Variants in GLCCI1 observed in about 807,000 individuals in gnomAD.
GLCCI1 encodes the protein glucocorticoid-induced transcript 1 protein.
A neutral mutation model predicts 52.2 loss-of-function variants in GLCCI1; 24 were observed. The observed-to-expected ratio is 0.46, with a 90% CI of 0.33 to 0.65. The LOEUF (loss-of-function observed/expected upper bound fraction) is 0.65, where lower values mean the gene tolerates loss of function less well. Ranked by LOEUF, GLCCI1 falls within the 30% of genes least tolerant of loss-of-function variation. The pLI is 0.02. For missense variants in GLCCI1, 704 were observed against 701.5 expected (o/e 1.00, Z -0.04); for synonymous variants, 310 against 276.5 (o/e 1.12, Z -1.20).
chr7:8,052,615 T>C (rs1307307386), intron 3 of GLCCI1, among the ~76,000 whole-genome samples: 2 of 152,200 alleles, frequency 1.3e-5, no homozygotes, highest in Admixed American at 1.3e-4. Flanking sequence ...GCAGTCTGCC[T>C]TGGGGCAGGA....
intron 1 of GLCCI1, among the ~76,000 whole-genome samples, chr7:7,988,063 G>A (rs1780772237): frequency 1.3e-5 from 2 of 152,292 alleles, no homozygotes; most frequent in South Asian, 4.1e-4. Context: ...GGGAGAGTAA[G>A]TAGTAGTCTT....
At position 8,071,102 on chromosome 7, in the gene GLCCI1, CAGA is replaced by C; in HGVS notation, c.1152_1154del (p.Glu384del). On this transcript the variant is annotated inframe_deletion, in exon 6 of 8. Coordinates refer to ENST00000223145, the MANE Select transcript of GLCCI1 (RefSeq NM_138426.4). Reference sequence around the variant, plus strand: ...TCCCAGGATGGTAGCCCTTGCTCAACAGAAGATTTGCTCTATGATCGTGATAAA... The same window carrying C: ...TCCCAGGATGGTAGCCCTTGCTCAACAGATTTGCTCTATGATCGTGATAAA... 1.2e-6 allele frequency: 2 copies of C among 1,614,124 alleles called. No individual in the cohort carries two copies. The highest frequency in any genetic ancestry group is 1.7e-6 in the Non-Finnish European group (2 of 1,179,974).
chr7:8,038,989 T>C (rs1260577785), intron 3 of GLCCI1, among the ~76,000 whole-genome samples: 2 of 152,038 alleles, frequency 1.3e-5, no homozygotes, highest in Non-Finnish European at 2.9e-5. Context: ...AACATGCATA[T>C]AGCCAACAAG....
intron 1 of GLCCI1, among the ~76,000 whole-genome samples, chr7:7,993,599 C>A (rs1246345806): frequency 6.6e-6 from 1 of 152,140 alleles, no homozygotes; most frequent in Non-Finnish European, 1.5e-5. Context: ...GAATTGTGTT[C>A]TCTGGACCAT....
chr7:8,065,866 A>G (rs184350020), intron 5 of GLCCI1, among the ~76,000 whole-genome samples: 1 of 152,172 alleles, frequency 6.6e-6, no homozygotes, highest in East Asian at 1.9e-4. Context: ...TTTTGTTGTC[A>G]TCGTCATGTC....
rs576612496 is a variant in GLCCI1, at chr7:8,055,819, C to A, written c.813+270C>A. ...CCTGGCTAACAGGGTGAAACCGTGT[C>A]TCTACTGAAAAAACACAAAAAAAAT... On this transcript the variant is annotated intron_variant, in intron 4 of 7. Transcript: ENST00000223145. The A allele has an allele frequency of 1.7e-3, 335 of 203,010 alleles. 4 individuals are homozygous for A. Among genetic ancestry groups the A allele is most frequent in the South Asian group, 8.4e-3 (105 of 12,428 alleles). The allele number at this position is 203,010 out of a possible 1,614,324, so 12.6% of individuals were successfully genotyped here.
intron 5 of GLCCI1, among the ~76,000 whole-genome samples, chr7:8,065,494 A>G (rs1782612668): frequency 6.6e-6 from 1 of 152,180 alleles, no homozygotes; most frequent in Middle Eastern, 3.2e-3. Context: ...TTTCAAGGGA[A>G]TGCTTCCAGT....
intron 1 of GLCCI1, among the ~76,000 whole-genome samples, chr7:7,982,593 A>G (rs962188469): frequency 6.6e-6 from 1 of 152,204 alleles, no homozygotes; most frequent in Non-Finnish European, 1.5e-5. Context: ...CCAGCTTAAG[A>G]TCTAGAATAT....
intron 2 of GLCCI1, among the ~76,000 whole-genome samples, chr7:8,020,574 T>C (rs185643390): frequency 1.7e-3 from 255 of 152,340 alleles, no homozygotes; most frequent in Middle Eastern, 0.01. Context: ...TGGCTATTAA[T>C]TTATCTGTAA....
intron 5 of GLCCI1, 172 bp from the exon 6 acceptor site, chr7:8,070,749 T>C: frequency 1.7e-6 from 1 of 596,994 alleles, no homozygotes; most frequent in Non-Finnish European, 3.0e-6. Context: ...TTTAGTTCAA[T>C]AAAGGTAACA....
intron 1 of GLCCI1, among the ~76,000 whole-genome samples, chr7:7,982,729 A>G (rs945202892): frequency 6.6e-5 from 10 of 152,090 alleles, no homozygotes; most frequent in African/African-American, 2.4e-4. Context: ...ATGTTTCTCA[A>G]TTTTGTATAA....
intron 6 of GLCCI1, among the ~76,000 whole-genome samples, chr7:8,074,868 A>G (rs943740166): frequency 7.2e-5 from 11 of 152,098 alleles, no homozygotes; most frequent in Non-Finnish European, 7.4e-5. Context: ...TGGAGTACCT[A>G]CATGTTCTGC....
At chr7:7,976,168 A>T in intron 1 of GLCCI1, among the ~76,000 whole-genome samples, 1 of 152,052 alleles carries the variant, frequency 6.6e-6, no homozygotes, top group South Asian at 2.1e-4. Context: ...TGGCTCACCA[A>T]AAAGAATGAT....
Position 8,071,041 on chromosome 7 carries a change from C to G in GLCCI1, c.1087C>G (p.His363Asp). The G allele has an allele frequency of 6.2e-7, 1 of 1,614,160 alleles. No homozygotes were observed. Among genetic ancestry groups the G allele is most frequent in the Non-Finnish European group, 8.5e-7 (1 of 1,180,034 alleles). ...VQERSSSCSS[H>D]SPCVSPFCPP... Reference sequence around the variant, plus strand: ...GGAGCGCAGCAGTAGCTGCAGCAGTCATTCACCCTGTGTCTCCCCTTTTTG... The same window carrying G: ...GGAGCGCAGCAGTAGCTGCAGCAGTGATTCACCCTGTGTCTCCCCTTTTTG... The change falls in exon 6 of 8, where the codon CAT (histidine) becomes GAT (aspartate). Residue 363 changes from histidine to aspartate, a missense_variant. By Grantham distance (81) the His-to-Asp change is moderately conservative. This residue lies in a region of GLCCI1 where 547 missense variants were observed against 524.8 expected (regional missense o/e 1.04). Coordinates refer to ENST00000223145, the MANE Select transcript of GLCCI1 (RefSeq NM_138426.4).
intron 2 of GLCCI1, among the ~76,000 whole-genome samples, chr7:8,009,935 G>GTT (rs573867335): frequency 1.4e-5 from 2 of 146,044 alleles, no homozygotes; most frequent in Admixed American, 6.8e-5. Flanking sequence ...ACTGGAAGTG[G>GTT]TTTTTTTTTT....
rs1258017454 is a variant in GLCCI1, at chr7:7,969,698, C to T, written c.348C>T (p.Ala116=). 4.0e-6 allele frequency: 5 copies of T among 1,250,786 alleles called. No individual in the cohort carries two copies. The highest frequency in any genetic ancestry group is 5.0e-6 in the Non-Finnish European group (5 of 990,698). The allele number at this position is 1,250,786 out of a possible 1,614,324, so 77.5% of individuals were successfully genotyped here. A position where few individuals can be genotyped will look rare whatever the true frequency, so the allele number is the denominator to read the frequency against. The change falls in exon 1 of 8, where the codon GCC becomes GCT. Residue 116 remains alanine (A), a synonymous_variant. Coordinates refer to ENST00000223145, the MANE Select transcript of GLCCI1 (RefSeq NM_138426.4). This position sits in a 1 kb window ranked among gnomAD's most constrained non-coding sequence, Gnocchi z 4.9. ...GCCCGACGCCGCCGGCGGCCGCAGCCCCGGCCGAGCAGGCGCCGCGGGCCA... is the reference window on the plus strand; with the variant it reads ...GCCCGACGCCGCCGGCGGCCGCAGCTCCGGCCGAGCAGGCGCCGCGGGCCA... The part of the protein sequence containing the change: ...PSSPTPPAAA[A]PAEQAPRAKG...
At position 7,978,455 on chromosome 7, in the gene GLCCI1, CT is replaced by C. The variant is rs554630574; in HGVS notation, c.457+8652del. On this transcript the variant is annotated intron_variant, in intron 1 of 7. Coordinates refer to ENST00000223145, the MANE Select transcript of GLCCI1 (RefSeq NM_138426.4). Reference sequence around the variant, plus strand: ...TTATATGTACTTGGCTCTTTCACTTCTTTTAGGTTTGTTGATGTAATATAGA... The same window carrying C: ...TTATATGTACTTGGCTCTTTCACTTCTTTAGGTTTGTTGATGTAATATAGA... Among the ~76,000 whole-genome samples, 490 of 152,206 alleles carry C rather than the reference CT, an allele frequency of 3.2e-3. 4 individuals are homozygous for C. The highest frequency in any genetic ancestry group is 0.011 in the African/African-American group (467 of 41,536).
intron 1 of GLCCI1, among the ~76,000 whole-genome samples, chr7:7,984,087 G>C (rs1473925239): frequency 6.6e-6 from 1 of 151,968 alleles, no homozygotes; most frequent in Non-Finnish European, 1.5e-5. Flanking sequence ...TTTGAGACAG[G>C]GTCTCACTCT....
chr7:8,024,996 G>A (rs1034652526), intron 3 of GLCCI1, among the ~76,000 whole-genome samples: 5 of 152,212 alleles, frequency 3.3e-5, no homozygotes, highest in Non-Finnish European at 4.4e-5. Context: ...CAAGTAAACA[G>A]AGAGGGCCAA....
Sources: allele counts gnomAD v4.1 joint callset (sites outside exome capture counted in the v4.1 genomes callset), GRCh38; gene constraint gnomAD v4.1.1; regional missense constraint gnomAD v4.1.1; non-coding constraint Gnocchi (gnomAD v3.1); transcripts MANE v1.5; gene names NCBI Gene and HGNC (gene_info 2026-07-23, HGNC 2026-07-21).